The following USP49 variants were observed in gnomAD, a reference collection of about 807,000 sequenced individuals.
The protein encoded by USP49 is ubiquitin carboxyl-terminal hydrolase 49.
A neutral mutation model predicts 58.6 loss-of-function variants in USP49; 24 were observed. The ratio of observed to expected loss-of-function variants is 0.41; its 90% CI spans 0.30 to 0.58. USP49 has a LOEUF of 0.58. Among genes scored for constraint, USP49 ranks in the 20% least tolerant of loss-of-function variants. The pLI, the probability that USP49 is intolerant of heterozygous loss-of-function variation, is 0.30. For synonymous variants in USP49, 408 were observed against 365.1 expected (o/e 1.12, Z -1.34); for missense variants, 703 against 866.1 (o/e 0.81, Z 2.36).
intron 7 of USP49, chr6:41,797,635 A>G: frequency 1.0e-6 from 1 of 985,818 alleles, no homozygotes; most frequent in Non-Finnish European, 1.2e-6. Context: ...AGAACATAGT[A>G]AGTGCTCAGT....
Position 41,793,176 on chromosome 6 carries a change from T to C in USP49, c.*3357A>G, listed in dbSNP as rs1169802612. ...AAAATAAACTCTGCTATTGAGTCCA[T>C]AGGACACATTAACACTTCTACAGTT... On this transcript the variant is annotated 3_prime_UTR_variant, in exon 8 of 8. Coordinates refer to ENST00000682992, the MANE Select transcript of USP49 (RefSeq NM_001286554.2). The C allele has an allele frequency of 1.3e-5, 2 of 152,232 alleles. No homozygotes were observed. Among genetic ancestry groups the C allele is most frequent in the African/African-American group, 4.8e-5 (2 of 41,418 alleles). The allele number at this position is 152,232 out of a possible 1,614,324, so 9.4% of individuals were successfully genotyped here.
intron 3 of USP49, among the ~76,000 whole-genome samples, chr6:41,863,898 T>C (rs902827449): frequency 5.3e-5 from 8 of 151,904 alleles, no homozygotes; most frequent in Non-Finnish European, 1.2e-4. Flanking sequence ...GCTGGGATTA[T>C]AGGCATGTGC....
chr6:41,878,044 C>T (rs751604372), intron 2 of USP49, among the ~76,000 whole-genome samples: 3 of 152,116 alleles, frequency 2.0e-5, no homozygotes, highest in Non-Finnish European at 4.4e-5. Context: ...CTGGGATGCT[C>T]ATTTGTAAAG....
rs1772780721 is a variant in USP49 at position 41,790,614 on chromosome 6, C to G, written c.*5919G>C. 1 of 152,138 alleles carries G rather than the reference C, an allele frequency of 6.6e-6. No homozygotes were observed. Among genetic ancestry groups the G allele is most frequent in the Non-Finnish European group, 1.5e-5 (1 of 68,032 alleles). The allele number at this position is 152,138 out of a possible 1,614,324, so 9.4% of individuals were successfully genotyped here. A position where few individuals can be genotyped will look rare whatever the true frequency, so the allele number is the denominator to read the frequency against. The stretch of plus-strand genomic sequence containing the variant: ...AAGGAGGGTCAGTATATAAGGACCA[C>G]AGTGGCCTGTTAAGGATGACAGATG... On this transcript the variant is annotated 3_prime_UTR_variant, in exon 8 of 8. Coordinates refer to ENST00000682992, the MANE Select transcript of USP49 (RefSeq NM_001286554.2).
chr6:41,799,790 C>G (rs1047730690), intron 6 of USP49, 40 bp downstream of exon 6: 3 of 1,576,698 alleles, frequency 1.9e-6, no homozygotes, highest in African/African-American at 2.7e-5. Flanking sequence ...CAGCTATTCC[C>G]ACAGCTCTCA....
chr6:41,863,453 C>A (rs909258276), intron 3 of USP49, among the ~76,000 whole-genome samples: 3 of 152,180 alleles, frequency 2.0e-5, no homozygotes, highest in Admixed American at 6.6e-5. Flanking sequence ...GATCTTGACG[C>A]CTCCGATCTT....
Position 41,790,689 on chromosome 6 carries a change from T to C in USP49, c.*5844A>G, listed in dbSNP as rs1239490079. 6.6e-6 allele frequency: 1 copy of C among 152,202 alleles called. No individual in the cohort carries two copies. The highest frequency in any genetic ancestry group is 2.4e-5 in the African/African-American group (1 of 41,452). The allele number at this position is 152,202 out of a possible 1,614,324, so 9.4% of individuals were successfully genotyped here. Reference sequence around the variant, plus strand: ...AAGTTAAACAGGACAAAATAGTCTTTCCTGACCTTGCTGGCATAAATATTA... The same window carrying C: ...AAGTTAAACAGGACAAAATAGTCTTCCCTGACCTTGCTGGCATAAATATTA... On this transcript the variant is annotated 3_prime_UTR_variant, in exon 8 of 8. Coordinates refer to ENST00000682992, the MANE Select transcript of USP49 (RefSeq NM_001286554.2).
At chr6:41,857,835 CT>C in intron 3 of USP49, among the ~76,000 whole-genome samples, 1 of 152,314 alleles carries the variant, frequency 6.6e-6, no homozygotes, top group African/African-American at 2.4e-5. Flanking sequence ...TACATGCATA[CT>C]TACATAGTTC....
chr6:41,886,055 C>T (rs1195252293), intron 2 of USP49, among the ~76,000 whole-genome samples: 1 of 152,204 alleles, frequency 6.6e-6, no homozygotes, highest in East Asian at 1.9e-4. Context: ...TATTTGCTTT[C>T]TCATCTTTAC....
chr6:41,884,099 T>C (rs563305604), intron 2 of USP49, among the ~76,000 whole-genome samples: 20 of 152,156 alleles, frequency 1.3e-4, no homozygotes, highest in Non-Finnish European at 2.2e-4. Context: ...TCTTGGCTCA[T>C]TGCAACCTCC....
chr6:41,871,740 A>C (rs571126371), intron 2 of USP49, 103 bp from the exon 3 acceptor site: 2 of 152,014 alleles, frequency 1.3e-5, no homozygotes, highest in East Asian at 3.9e-4. Context: ...GTAAATTACA[A>C]TGCATTAAAC....
intron 3 of USP49, among the ~76,000 whole-genome samples, chr6:41,862,805 A>G (rs1028696317): frequency 1.3e-5 from 2 of 152,112 alleles, no homozygotes; most frequent in Admixed American, 6.5e-5. Context: ...AGACAGAGTC[A>G]CTCTGTCGCC....
intron 3 of USP49, among the ~76,000 whole-genome samples, chr6:41,814,247 A>G (rs1773309651): frequency 6.6e-6 from 1 of 152,244 alleles, no homozygotes; most frequent in African/African-American, 2.4e-5. Context: ...ACAAAATATC[A>G]GCTTTTGCCT....
chr6:41,804,092 CTTT>C, intron 4 of USP49, 82 bp from the exon 5 acceptor site: 8 of 1,286,312 alleles, frequency 6.2e-6, no homozygotes, highest in Non-Finnish European at 8.6e-6. Flanking sequence ...AAAAGACACA[CTTT>C]ATCAAAACTA....
intron 7 of USP49, chr6:41,797,841 A>AT: frequency 4.1e-6 from 4 of 980,474 alleles, no homozygotes; most frequent in African/African-American, 1.7e-5. Flanking sequence ...CACTGACTGA[A>AT]TAAGTACTAT....
intron 3 of USP49, among the ~76,000 whole-genome samples, chr6:41,818,893 C>T (rs757280744): frequency 1.3e-5 from 2 of 152,118 alleles, no homozygotes; most frequent in Non-Finnish European, 2.9e-5. Flanking sequence ...CATAGATCAG[C>T]TCCATTAAGT....
chr6:41,810,278 C>T (rs1034896685), intron 3 of USP49, among the ~76,000 whole-genome samples: 9 of 151,192 alleles, frequency 6.0e-5, no homozygotes, highest in African/African-American at 2.4e-5. Context: ...GTCAGGAGTT[C>T]GAGACCAGCC....
chr6:41,790,080 C>G lies in USP49; in HGVS notation c.*6453G>C, dbSNP rs1772768966. 1.3e-5 allele frequency: 2 copies of G among 151,272 alleles called. No homozygotes were observed. Among genetic ancestry groups the G allele is most frequent in the South Asian group, 2.1e-4 (1 of 4,800 alleles). The allele number at this position is 151,272 out of a possible 1,614,324, so 9.4% of individuals were successfully genotyped here. On this transcript the variant is annotated 3_prime_UTR_variant, in exon 8 of 8. Transcript: ENST00000682992. ...GGAAAAAAAAAAAAGGAAGCTGTAA[C>G]CATACATTGATGTTAACCTAGCATG... is the stretch of plus-strand genomic sequence containing the variant.
At chr6:41,874,917 G>T (rs1206731335) in intron 2 of USP49, among the ~76,000 whole-genome samples, 1 of 152,068 alleles carries the variant, frequency 6.6e-6, no homozygotes. Context: ...GTGCGTGATT[G>T]CACCACTGCA....
Sources: allele counts gnomAD v4.1 joint callset (sites outside exome capture counted in the v4.1 genomes callset), GRCh38; gene constraint gnomAD v4.1.1; transcripts MANE v1.5; gene names NCBI Gene and HGNC (gene_info 2026-07-23, HGNC 2026-07-21).